SHLD2: variants seen among roughly 807,000 people sequenced by gnomAD.
The protein encoded by SHLD2 is RINN1-REV7-interacting novel NHEJ regulator 2.
SHLD2 carries 30 observed loss-of-function variants against 73.2 expected under a neutral mutation model. The observed-to-expected ratio is 0.41, with a 90% CI of 0.31 to 0.56. The LOEUF is 0.56. Ranked by LOEUF, SHLD2 falls within the 20% of genes least tolerant of loss-of-function variation. The probability of loss-of-function intolerance (pLI) is 0.28; values close to 1 mark genes in which losing one functional copy is unlikely to be tolerated. For synonymous variants in SHLD2, 285 were observed against 370.1 expected (o/e 0.77, Z 2.64); for missense variants, 745 against 1,055.9 (o/e 0.71, Z 4.08).
chr10:87,127,284 A>G (rs886294814), intron 2 of SHLD2, among the ~76,000 whole-genome samples: 3 of 152,202 alleles, frequency 2.0e-5, no homozygotes, highest in Non-Finnish European at 2.9e-5. Context: ...TGCTTGTCCT[A>G]GCATTACTAA....
intron 8 of SHLD2, among the ~76,000 whole-genome samples, chr10:87,184,182 G>A (rs1021972380): frequency 9.2e-5 from 14 of 152,136 alleles, no homozygotes; most frequent in East Asian, 1.9e-4. Context: ...CACAATCGTC[G>A]CATCATTTTC....
chr10:87,163,234 C>T (rs1846947661), intron 4 of SHLD2, among the ~76,000 whole-genome samples: 1 of 152,024 alleles, frequency 6.6e-6, no homozygotes, highest in Non-Finnish European at 1.5e-5. Flanking sequence ...GTATGCTGTC[C>T]TTCCTGTACG....
At chr10:87,121,044 C>G (rs1843583491) in intron 2 of SHLD2, among the ~76,000 whole-genome samples, 1 of 151,978 alleles carries the variant, frequency 6.6e-6, no homozygotes, top group Non-Finnish European at 1.5e-5. Context: ...GAGCGAAACT[C>G]TGTCTCAAAA....
In SHLD2 at chr10:87,143,090, C is replaced by T. The variant is rs566280260; in HGVS notation, c.-5-8260C>T. Among the ~76,000 whole-genome samples the T allele has an allele frequency of 2.1e-3, 326 of 151,786 alleles. 1 individual carries two copies. The highest frequency in any genetic ancestry group is 5.9e-3 in the African/African-American group (245 of 41,390). Reference sequence around the variant, plus strand: ...GACTACAGGCACATACCACCCTACCCAGCAATTTTTTTTTTTAATTTTTTG... The same window carrying T: ...GACTACAGGCACATACCACCCTACCTAGCAATTTTTTTTTTTAATTTTTTG... On this transcript the variant is annotated intron_variant, in intron 2 of 9. Coordinates refer to ENST00000298786, the MANE Select transcript of SHLD2 (RefSeq NM_001330112.2).
At chr10:87,190,184 G>A (rs563043487) in intron 9 of SHLD2, among the ~76,000 whole-genome samples, 85 of 152,216 alleles carry the variant, frequency 5.6e-4, no homozygotes, top group African/African-American at 1.8e-3. Context: ...TCAGCTTCCC[G>A]AGTAGCTGGG....
chr10:87,170,324 G>C (rs1847503647), intron 4 of SHLD2, among the ~76,000 whole-genome samples, 154 bp from the exon 5 acceptor site: 1 of 152,086 alleles, frequency 6.6e-6, no homozygotes. Context: ...ACTGATTCAA[G>C]ACTTAGCTAT....
chr10:87,098,925 G>T (rs1288980189), intron 2 of SHLD2, among the ~76,000 whole-genome samples: 1 of 152,096 alleles, frequency 6.6e-6, no homozygotes, highest in East Asian at 1.9e-4. Flanking sequence ...ATAGGCACCT[G>T]CCGCCACTCC....
intron 2 of SHLD2, among the ~76,000 whole-genome samples, chr10:87,127,207 G>A (rs1210876727): frequency 6.6e-6 from 1 of 151,884 alleles, no homozygotes; most frequent in Non-Finnish European, 1.5e-5. Flanking sequence ...TTATAACAAA[G>A]TATAACTCAA....
At chr10:87,116,445 A>G (rs1029017753) in intron 2 of SHLD2, among the ~76,000 whole-genome samples, 1 of 151,662 alleles carries the variant, frequency 6.6e-6, no homozygotes, top group Non-Finnish European at 1.5e-5. Flanking sequence ...GAGTGAAGAT[A>G]CTGGGTTGCA....
chr10:87,167,172 T>C (rs1847261249), intron 4 of SHLD2, among the ~76,000 whole-genome samples: 1 of 152,184 alleles, frequency 6.6e-6, no homozygotes, highest in Non-Finnish European at 1.5e-5. Context: ...TTCAGTAATT[T>C]CATAAAACTC....
At chr10:87,144,284 T>G (rs566356142) in intron 2 of SHLD2, among the ~76,000 whole-genome samples, 1 of 152,190 alleles carries the variant, frequency 6.6e-6, no homozygotes, top group Non-Finnish European at 1.5e-5. Context: ...AAATTCCCGT[T>G]GTATTGCAAG....
chr10:87,167,747 A>T (rs530948539), intron 4 of SHLD2, among the ~76,000 whole-genome samples: 6 of 152,100 alleles, frequency 3.9e-5, no homozygotes, highest in Admixed American at 1.3e-4. Flanking sequence ...CAGGCTCAAG[A>T]GATTCTTCTA....
intron 2 of SHLD2, among the ~76,000 whole-genome samples, chr10:87,097,926 AT>A (rs1218312203): frequency 6.6e-6 from 1 of 151,618 alleles, no homozygotes; most frequent in Non-Finnish European, 1.5e-5. Context: ...TGCCAGGCTA[AT>A]TTTTTTGTAT....
intron 4 of SHLD2, among the ~76,000 whole-genome samples, chr10:87,165,192 A>G (rs1297885738): frequency 1.2e-4 from 2 of 16,628 alleles, no homozygotes; most frequent in Non-Finnish European, 4.0e-4. Context: ...GTCTCAAGGA[A>G]AAAAAAAAAA....
intron 6 of SHLD2, 148 bp from the exon 7 acceptor site, chr10:87,175,741 T>C (rs3127702): frequency 0.84 from 516,021 of 616,642 alleles, 221,180 homozygotes; most frequent in African/African-American, 0.96. Flanking sequence ...TCTTAATGCA[T>C]CATTCATATT....
At chr10:87,125,751 T>C (rs1366495311) in intron 2 of SHLD2, among the ~76,000 whole-genome samples, 1 of 147,540 alleles carries the variant, frequency 6.8e-6, no homozygotes, top group African/African-American at 2.5e-5. Flanking sequence ...AATAAATAAA[T>C]AAACAATAAA....
At chr10:87,176,894 A>G (rs1847985582) in intron 7 of SHLD2, among the ~76,000 whole-genome samples, 1 of 152,242 alleles carries the variant, frequency 6.6e-6, no homozygotes, top group Non-Finnish European at 1.5e-5. Flanking sequence ...AACATTTACT[A>G]ATACCAGCAG....
chr10:87,153,668 G>C (rs1846173658), intron 3 of SHLD2, among the ~76,000 whole-genome samples: 2 of 152,076 alleles, frequency 1.3e-5, no homozygotes, highest in Admixed American at 1.3e-4. Context: ...TGGGAGCTTA[G>C]TTTGTGAGAC....
intron 2 of SHLD2, among the ~76,000 whole-genome samples, chr10:87,146,584 G>T (rs531675086): frequency 6.7e-6 from 1 of 149,742 alleles, no homozygotes. Flanking sequence ...TTGAGCCACC[G>T]CGCCCAGCCT....
Sources: allele counts gnomAD v4.1 joint callset (sites outside exome capture counted in the v4.1 genomes callset), GRCh38; gene constraint gnomAD v4.1.1; transcripts MANE v1.5; gene names NCBI Gene and HGNC (gene_info 2026-07-23, HGNC 2026-07-21).